MTERF4: variants seen among roughly 807,000 people sequenced by gnomAD.
MTERF4 encodes the protein transcription termination factor 4, mitochondrial.
A neutral mutation model predicts 22.5 loss-of-function variants in MTERF4; 17 were observed. The observed-to-expected ratio is 0.75, with a 90% CI of 0.52 to 1.13. The LOEUF (loss-of-function observed/expected upper bound fraction) is 1.13. MTERF4 is among the 50% of genes most tolerant of loss of function. The probability of loss-of-function intolerance (pLI) is 0.00; values close to 1 mark genes in which losing one functional copy is unlikely to be tolerated. For synonymous variants in MTERF4, 165 were observed against 175.3 expected (o/e 0.94, Z 0.47); for missense variants, 420 against 466.8 (o/e 0.90, Z 0.92).
At chr2:241,077,487 T>A (rs1044419129) in intron 4 of MTERF4, among the ~76,000 whole-genome samples, 6 of 152,112 alleles carry the variant, frequency 3.9e-5, no homozygotes, top group African/African-American at 1.2e-4. Flanking sequence ...CATGACAACC[T>A]GTGGAGTGGA....
Position 241,075,923 on chromosome 2 carries a change from C to T in MTERF4, n.480-241G>A, listed in dbSNP as rs2125269591. Among the ~76,000 whole-genome samples the T allele has an allele frequency of 6.6e-6, 1 of 152,256 alleles. No homozygotes were observed. Among genetic ancestry groups the T allele is most frequent in the Non-Finnish European group, 1.5e-5 (1 of 68,016 alleles). The stretch of plus-strand genomic sequence containing the variant: ...CATATGGGTAAACTGGATTTTTCAT[C>T]TCTTCATGCTAAAAAGTCCCTTTTT... On this transcript the variant is annotated intron_variant and non_coding_transcript_variant, in intron 4 of 4. Coordinates refer to the MTERF4 transcript ENST00000464344. The surrounding 1 kb of genome is among the most constrained non-coding windows in gnomAD (Gnocchi z 4.8).
chr2:241,064,966 C>A, the MTERF4 span: 1 of 1,561,338 alleles, frequency 6.4e-7, no homozygotes, highest in East Asian at 2.4e-5. This position sits in a 1 kb window ranked among gnomAD's most constrained non-coding sequence, Gnocchi z 7.0. Flanking sequence ...AGGTGGGTGG[C>A]GAGGGCGCCT....
the MTERF4 span, among the ~76,000 whole-genome samples, chr2:241,043,520 T>C: frequency 6.6e-6 from 1 of 152,080 alleles, no homozygotes; most frequent in African/African-American, 2.4e-5. Context: ...AAGGAAATTA[T>C]TTAGTCAGAA....
chr2:241,064,218 C>CGCCCTCTGCCCGCCTGCTCCCT, the MTERF4 span: 1 of 860,708 alleles, frequency 1.2e-6, no homozygotes, highest in African/African-American at 1.7e-5. This position sits in a 1 kb window ranked among gnomAD's most constrained non-coding sequence, Gnocchi z 7.0. Flanking sequence ...GCCTGCTCCC[C>CGCCCTCTGCCCGCCTGCTCCCT]GCCCTCTGCC....
chr2:241,064,153 G>A, the MTERF4 span: 39 of 1,424,804 alleles, frequency 2.7e-5, no homozygotes, highest in African/African-American at 2.7e-4. The surrounding 1 kb of genome is among the most constrained non-coding windows in gnomAD (Gnocchi z 7.0). Context: ...CCTGCTCCCC[G>A]CCCTCTGCCC....
At chr2:241,048,883 C>T in the MTERF4 span, 2 of 1,178,676 alleles carry the variant, frequency 1.7e-6, no homozygotes, top group Middle Eastern at 1.9e-4. Flanking sequence ...GTTCTACCCC[C>T]ACCCAGGAGG....
At position 241,075,416 on chromosome 2, in the gene MTERF4, G is replaced by A. The variant is rs1023482869; in HGVS notation, n.746C>T. ...GGTTTGCAGATCCTACAGGCAGAAC[G>A]GGTGGGATGCACACCCCTGGGATCT... is the stretch of plus-strand genomic sequence containing the variant. On this transcript the variant is annotated non_coding_transcript_exon_variant, in exon 5 of 5. Transcript: ENST00000464344. The surrounding 1 kb of genome is among the most constrained non-coding windows in gnomAD (Gnocchi z 4.8). The A allele has an allele frequency of 2.6e-5, 4 of 152,198 alleles. No individual in the cohort carries two copies. Among genetic ancestry groups the A allele is most frequent in the African/African-American group, 9.6e-5 (4 of 41,456 alleles). 9.4% of individuals were successfully genotyped at this position (152,198 alleles called of 1,614,324 possible).
chr2:241,097,446 A>G lies in MTERF4; in HGVS notation c.521-19T>C. On this transcript the variant is annotated intron_variant, in intron 2 of 3. Coordinates refer to ENST00000391980, the MANE Select transcript of MTERF4 (RefSeq NM_182501.4). ...AATTTCCCTGCAGAACATTCAAAAA[A>G]GGCAAGCATATAATTTCAGGATACT... 6.2e-7 allele frequency: 1 copy of G among 1,603,440 alleles called. No homozygotes were observed. Among genetic ancestry groups the G allele is most frequent in the Non-Finnish European group, 8.5e-7 (1 of 1,173,718 alleles).
downstream of MTERF4, among the ~76,000 whole-genome samples, chr2:241,090,887 A>G (rs1000107414): frequency 5.9e-5 from 9 of 151,998 alleles, no homozygotes; most frequent in Non-Finnish European, 1.0e-4. Flanking sequence ...AAAAAAAAGA[A>G]AAAAGAATTC....
Position 241,073,229 on chromosome 2 carries a change from C to A in MTERF4, n.2933G>T. 1 of 1,482,910 alleles carries A rather than the reference C, an allele frequency of 6.7e-7. No homozygotes were observed. The allele number at this position is 1,482,910 out of a possible 1,614,324, so 91.9% of individuals were successfully genotyped here. ...CCCCAGGACCATCCCGGGTGCAAAG[C>A]AGCTGCGCCGTGTGGTCACCGCCTG... On this transcript the variant is annotated non_coding_transcript_exon_variant, in exon 5 of 5. Transcript: ENST00000464344. The surrounding 1 kb of genome is among the most constrained non-coding windows in gnomAD (Gnocchi z 6.6).
At chr2:241,074,425 T>G (rs2062918051) in exon 5 of MTERF4, 1 of 152,212 alleles carries the variant, frequency 6.6e-6, no homozygotes, top group Non-Finnish European at 1.5e-5. Flanking sequence ...GTGAAGACTC[T>G]CGTGTTGATC....
chr2:241,048,534 A>G, the MTERF4 span: 2 of 1,506,574 alleles, frequency 1.3e-6, no homozygotes, highest in South Asian at 2.5e-5. Flanking sequence ...CGCCCCGAAA[A>G]GAAACGTGTG....
chr2:241,081,568 G>A, intron 4 of MTERF4: 3 of 793,352 alleles, frequency 3.8e-6, no homozygotes, highest in Admixed American at 4.1e-5. Flanking sequence ...CCACAGAGGA[G>A]TGCACGGCCA....
the MTERF4 span, among the ~76,000 whole-genome samples, chr2:241,050,789 A>G: frequency 2.0e-5 from 3 of 151,886 alleles, no homozygotes; most frequent in Non-Finnish European, 2.9e-5. Flanking sequence ...GCCCTACTCC[A>G]GCTCACACCT....
downstream of MTERF4, chr2:241,088,694 C>G: frequency 2.3e-6 from 1 of 433,020 alleles, no homozygotes; most frequent in Non-Finnish European, 4.1e-6. Context: ...GGCCAAGAAA[C>G]CCCTAGATCA....
chr2:241,072,165 G>A, downstream of MTERF4: 1 of 660,090 alleles, frequency 1.5e-6, no homozygotes, highest in Admixed American at 2.1e-5. Context: ...TTAGAAGCAG[G>A]TCTGAGACAT....
intron 2 of MTERF4, chr2:241,099,176 G>A (rs1053659850): frequency 1.6e-5 from 8 of 506,918 alleles, no homozygotes; most frequent in Admixed American, 1.1e-4. Context: ...CTGGGTTCAA[G>A]CGATTTTCAT....
At chr2:241,069,165 G>A, downstream of MTERF4, 1 of 617,748 alleles carries the variant, frequency 1.6e-6, no homozygotes, top group South Asian at 2.0e-5. The surrounding 1 kb of genome is among the most constrained non-coding windows in gnomAD (Gnocchi z 4.9). Flanking sequence ...CTCTTCCGCT[G>A]GGGCCACTGG....
downstream of MTERF4, chr2:241,069,042 C>T (rs372701639): frequency 1.0e-4 from 157 of 1,499,956 alleles, no homozygotes; most frequent in African/African-American, 2.0e-3. This position sits in a 1 kb window ranked among gnomAD's most constrained non-coding sequence, Gnocchi z 4.9. Context: ...AGCAGCGCGG[C>T]CCCCGGCACA....
Sources: gnomAD v4.1 joint callset for allele counts (sites outside exome capture counted in the v4.1 genomes callset) on GRCh38, gnomAD v4.1.1 for gene constraint, Gnocchi (gnomAD v3.1) non-coding constraint, MANE v1.5 for transcripts, NCBI Gene and HGNC (gene_info 2026-07-23, HGNC 2026-07-21) for gene names.